TBL1XR1: variants seen among roughly 807,000 people sequenced by gnomAD.
TBL1XR1 encodes F-box-like/WD repeat-containing protein TBL1XR1.
TBL1XR1 carries 5 observed loss-of-function variants against 66.9 expected under a neutral mutation model. The ratio of observed to expected loss-of-function variants is 0.07; its 90% confidence interval spans 0.04 to 0.16. The LOEUF (loss-of-function observed/expected upper bound fraction) is 0.16, where lower values mean the gene tolerates loss of function less well. Ranked by LOEUF, TBL1XR1 falls within the 10% of genes least tolerant of loss-of-function variation. The probability of loss-of-function intolerance (pLI) is 1.00; values close to 1 mark genes in which losing one functional copy is unlikely to be tolerated. For missense variants in TBL1XR1, 238 were observed against 623.2 expected, an observed-to-expected ratio of 0.38 and a Z score of 6.58; for synonymous variants, 210 against 206.0, an observed-to-expected ratio of 1.02 and a Z score of -0.17.
chr3:177,171,582 A>G (rs1038449098), intron 1 of TBL1XR1, among the ~76,000 whole-genome samples: 1 of 151,316 alleles, frequency 6.6e-6, no homozygotes, highest in African/African-American at 2.4e-5. Context: ...GGGCGCCTGT[A>G]GTCCCAGCTA....
rs148658037 is a variant in TBL1XR1 at position 177,105,649 on chromosome 3, A to G, written c.-121-7108T>C. Among the ~76,000 whole-genome samples, 9 of 152,334 alleles carry G rather than the reference A, an allele frequency of 5.9e-5. No individual in the cohort carries two copies. The East Asian group carries it at 1.7e-3, about 29-fold the overall frequency. ...GGCTCTGCCAAGAAGACTGTCTTTG[A>G]TTAGCTCTGTCCTACAGAAATGCCC... is the stretch of plus-strand genomic sequence containing the variant. On this transcript the variant is annotated intron_variant, in intron 1 of 15. Coordinates refer to ENST00000457928, the MANE Select transcript of TBL1XR1 (RefSeq NM_024665.7).
At chr3:177,050,437 G>A (rs1390608101) in intron 6 of TBL1XR1, 41 bp downstream of exon 6, 1 of 1,604,308 alleles carries the variant, frequency 6.2e-7, no homozygotes, top group Admixed American at 1.7e-5. Context: ...TGTTCAATAA[G>A]ATATTTTTAA....
chr3:177,036,609 T>C (rs1263573875), intron 12 of TBL1XR1, among the ~76,000 whole-genome samples: 1 of 152,154 alleles, frequency 6.6e-6, no homozygotes, highest in Non-Finnish European at 1.5e-5. Context: ...GTTTTTTTCA[T>C]GTTATAAGCA....
chr3:177,116,283 G>C (rs892943874), intron 1 of TBL1XR1, among the ~76,000 whole-genome samples: 1 of 151,834 alleles, frequency 6.6e-6, no homozygotes, highest in African/African-American at 2.4e-5. Context: ...TCCTCTTCTC[G>C]TATTTCCTAC....
intron 2 of TBL1XR1, among the ~76,000 whole-genome samples, chr3:177,076,126 A>G (rs150036214): frequency 6.6e-6 from 1 of 152,282 alleles, no homozygotes; most frequent in East Asian, 1.9e-4. Flanking sequence ...TGTCCTCCTC[A>G]TACTGTTTAA....
intron 1 of TBL1XR1, among the ~76,000 whole-genome samples, chr3:177,170,077 C>G (rs1009160535): frequency 1.6e-4 from 25 of 152,138 alleles, no homozygotes; most frequent in African/African-American, 5.8e-4. Context: ...TTCCACTGTT[C>G]CTAGTTAAGA....
chr3:177,101,641 T>C (rs1412591490), intron 1 of TBL1XR1, among the ~76,000 whole-genome samples: 1 of 152,198 alleles, frequency 6.6e-6, no homozygotes, highest in Non-Finnish European at 1.5e-5. Context: ...AGAAGGCCCT[T>C]CCCACAGGCG....
chr3:177,156,425 G>A (rs971889758), intron 1 of TBL1XR1, among the ~76,000 whole-genome samples: 2 of 151,280 alleles, frequency 1.3e-5, no homozygotes, highest in African/African-American at 4.9e-5. Flanking sequence ...CTTGAACCCA[G>A]GAGGCAGAGG....
intron 1 of TBL1XR1, among the ~76,000 whole-genome samples, chr3:177,147,092 C>A (rs898206520): frequency 6.6e-6 from 1 of 151,336 alleles, no homozygotes; most frequent in African/African-American, 2.4e-5. Context: ...TATCACCCAG[C>A]CTGGAGTGCA....
chr3:177,187,480 A>G (rs903466736), intron 1 of TBL1XR1, among the ~76,000 whole-genome samples: 2 of 152,144 alleles, frequency 1.3e-5, no homozygotes, highest in Non-Finnish European at 2.9e-5. Flanking sequence ...AAATAAGAGA[A>G]CTTCAGGTAA....
intron 2 of TBL1XR1, among the ~76,000 whole-genome samples, chr3:177,075,272 T>C (rs1035816264): frequency 7.9e-5 from 12 of 152,252 alleles, no homozygotes; most frequent in African/African-American, 2.7e-4. Context: ...TTGCTTTGTG[T>C]CTGAGTCTTT....
At chr3:177,120,088 A>C (rs1297823792) in intron 1 of TBL1XR1, among the ~76,000 whole-genome samples, 1 of 152,174 alleles carries the variant, frequency 6.6e-6, no homozygotes, top group Admixed American at 6.5e-5. Flanking sequence ...AACTATATAG[A>C]GCCTACTTCT....
At position 177,064,903 on chromosome 3, in the gene TBL1XR1, T is replaced by C; in HGVS notation, c.58+17A>G. 1 of 1,473,270 alleles carries C rather than the reference T, an allele frequency of 6.8e-7. No individual in the cohort carries two copies. The highest frequency in any genetic ancestry group is 2.5e-5 in the East Asian group (1 of 40,246). 91.3% of individuals were successfully genotyped at this position (1,473,270 alleles called of 1,614,324 possible). On this transcript the variant is annotated intron_variant, in intron 3 of 15. Transcript: ENST00000457928. The stretch of plus-strand genomic sequence containing the variant: ...TTAAAATAATTTGAGGCCTATTTAC[T>C]TTATAAAAGTACTCACCTGACTCTT...
At chr3:177,112,047 A>G (rs1185961817) in intron 1 of TBL1XR1, among the ~76,000 whole-genome samples, 1 of 142,638 alleles carries the variant, frequency 7.0e-6, no homozygotes, top group Admixed American at 7.2e-5. Context: ...GCCTTCTAAG[A>G]AATAAGACAA....
At chr3:177,173,250 T>A (rs1315551704) in intron 1 of TBL1XR1, among the ~76,000 whole-genome samples, 3 of 152,178 alleles carry the variant, frequency 2.0e-5, no homozygotes, top group African/African-American at 7.2e-5. Context: ...TTAACATATG[T>A]CCACAAATTT....
chr3:177,082,355 T>C (rs1721500277), intron 2 of TBL1XR1, among the ~76,000 whole-genome samples: 1 of 151,948 alleles, frequency 6.6e-6, no homozygotes, highest in Non-Finnish European at 1.5e-5. Context: ...GAATTTAAAA[T>C]TGAGGTACTT....
chr3:177,115,125 CCCA>C (rs547688254), intron 1 of TBL1XR1, among the ~76,000 whole-genome samples: 67 of 152,214 alleles, frequency 4.4e-4, no homozygotes, highest in African/African-American at 1.6e-3. Context: ...ATCTTGGGCC[CCCA>C]CCAGAGTACA....
At position 177,163,232 on chromosome 3, in the gene TBL1XR1, C is replaced by T. The variant is rs148893453; in HGVS notation, c.-122+33889G>A. Among the ~76,000 whole-genome samples, 1,263 of 152,132 alleles carry T rather than the reference C, an allele frequency of 8.3e-3. 20 individuals carry two copies. Among genetic ancestry groups the T allele is most frequent in the African/African-American group, 0.029 (1,214 of 41,494 alleles). ...TTTAAAAGAAAAAAAAGAGGCCGGGCGTGGTGGCTCACGCTTGTAATCCCA... is the reference window on the plus strand; with the variant it reads ...TTTAAAAGAAAAAAAAGAGGCCGGGTGTGGTGGCTCACGCTTGTAATCCCA... On this transcript the variant is annotated intron_variant, in intron 1 of 15. Coordinates refer to ENST00000457928, the MANE Select transcript of TBL1XR1 (RefSeq NM_024665.7).
chr3:177,136,912 G>A (rs535359168), intron 1 of TBL1XR1, among the ~76,000 whole-genome samples: 3 of 152,074 alleles, frequency 2.0e-5, no homozygotes, highest in Admixed American at 6.5e-5. Flanking sequence ...TGAGTTTTCT[G>A]ACCGTTGTCA....
Sources: allele counts gnomAD v4.1 joint callset (sites outside exome capture counted in the v4.1 genomes callset), GRCh38; gene constraint gnomAD v4.1.1; transcripts MANE v1.5; gene names NCBI Gene and HGNC (gene_info 2026-07-23, HGNC 2026-07-21).